The following CA10 variants were observed in gnomAD, a reference collection of about 807,000 sequenced individuals.
CA10 encodes the protein carbonic anhydrase 10 (inactive).
Under a neutral mutation model 44.2 loss-of-function variants are expected in CA10, and 14 were observed. The observed-to-expected ratio is 0.32, with a 90% CI of 0.21 to 0.50. The LOEUF (loss-of-function observed/expected upper bound fraction) is 0.50. Ranked by LOEUF, CA10 falls within the 20% of genes least tolerant of loss-of-function variation. The probability of loss-of-function intolerance (pLI) is 0.99; values close to 1 mark genes in which losing one functional copy is unlikely to be tolerated. For synonymous variants in CA10, 159 were observed against 141.6 expected, an observed-to-expected ratio of 1.12 and a Z score of -0.87; for missense variants, 350 against 409.7, an observed-to-expected ratio of 0.85 and a Z score of 1.26.
upstream of CA10, among the ~76,000 whole-genome samples, chr17:52,159,111 A>G (rs1989887519): frequency 6.6e-6 from 1 of 152,032 alleles, no homozygotes; most frequent in South Asian, 2.1e-4. Flanking sequence ...GGCGCGGGAG[A>G]CCCAGGCAGG....
At chr17:52,130,849 C>T (rs1351176956) in intron 1 of CA10, among the ~76,000 whole-genome samples, 1 of 152,032 alleles carries the variant, frequency 6.6e-6, no homozygotes, top group Non-Finnish European at 1.5e-5. Context: ...AGGCACACAC[C>T]ACCAAAGGAT....
chr17:51,716,655 T>A (rs1916123970), intron 4 of CA10, among the ~76,000 whole-genome samples: 1 of 152,142 alleles, frequency 6.6e-6, no homozygotes, highest in African/African-American at 2.4e-5. Context: ...GAACTTGGGG[T>A]TCATTAAGCT....
chr17:51,949,491 G>A (rs542159150), intron 2 of CA10, among the ~76,000 whole-genome samples: 3 of 152,224 alleles, frequency 2.0e-5, no homozygotes, highest in South Asian at 2.1e-4. Context: ...CTGCACATAT[G>A]TTGGAAATTT....
chr17:51,645,076 G>A (rs1335669866), intron 6 of CA10, among the ~76,000 whole-genome samples: 1 of 152,128 alleles, frequency 6.6e-6, no homozygotes, highest in African/African-American at 2.4e-5. Context: ...GATTACAGGT[G>A]TGAGCCACTG....
intron 2 of CA10, among the ~76,000 whole-genome samples, chr17:51,957,278 A>T (rs540879594): frequency 6.6e-6 from 1 of 152,180 alleles, no homozygotes; most frequent in Non-Finnish European, 1.5e-5. Flanking sequence ...CTCACTTCCC[A>T]CTGGTTCTAC....
At chr17:52,143,978 C>T (rs1388482614) in intron 1 of CA10, among the ~76,000 whole-genome samples, 1 of 152,092 alleles carries the variant, frequency 6.6e-6, no homozygotes, top group Non-Finnish European at 1.5e-5. Flanking sequence ...CTGAAATGCT[C>T]AGATCAGATA....
At chr17:51,818,529 G>T (rs1907652280) in intron 3 of CA10, among the ~76,000 whole-genome samples, 1 of 152,056 alleles carries the variant, frequency 6.6e-6, no homozygotes, top group African/African-American at 2.4e-5. Context: ...GTGCCTCCTA[G>T]GAAGTATGAG....
chr17:51,848,246 G>A (rs1048647659), intron 3 of CA10, among the ~76,000 whole-genome samples: 1 of 152,176 alleles, frequency 6.6e-6, no homozygotes, highest in Non-Finnish European at 1.5e-5. Flanking sequence ...TTCAGATTCT[G>A]TCTTGAATAC....
intron 3 of CA10, among the ~76,000 whole-genome samples, chr17:51,763,842 A>C (rs530439681): frequency 2.0e-5 from 3 of 151,546 alleles, no homozygotes; most frequent in Admixed American, 6.6e-5. Context: ...CCTCCTAAAA[A>C]CCCTCTGTAA....
At chr17:52,042,254 T>C in intron 2 of CA10, among the ~76,000 whole-genome samples, 1 of 152,140 alleles carries the variant, frequency 6.6e-6, no homozygotes, top group South Asian at 2.1e-4. Context: ...CTCACCAACG[T>C]TTGTTATCTC....
At chr17:51,706,555 G>A (rs773075122) in intron 4 of CA10, among the ~76,000 whole-genome samples, 32 of 152,284 alleles carry the variant, frequency 2.1e-4, no homozygotes, top group African/African-American at 6.3e-4. Flanking sequence ...CCTGCCTGCC[G>A]GGGCCTTTGC....
chr17:51,654,141 G>C (rs1235052003), intron 4 of CA10, among the ~76,000 whole-genome samples: 3 of 152,174 alleles, frequency 2.0e-5, no homozygotes, highest in Non-Finnish European at 4.4e-5. Context: ...AATCTTCCTT[G>C]CAGCCTCGGA....
At chr17:52,152,303 G>A (rs912296268) in intron 1 of CA10, among the ~76,000 whole-genome samples, 1 of 152,124 alleles carries the variant, frequency 6.6e-6, no homozygotes, top group Non-Finnish European at 1.5e-5. Flanking sequence ...GTCACAAAGT[G>A]AATAACCATA....
At chr17:52,032,240 T>A (rs1223355964) in intron 2 of CA10, among the ~76,000 whole-genome samples, 2 of 152,184 alleles carry the variant, frequency 1.3e-5, no homozygotes, top group Non-Finnish European at 2.9e-5. Context: ...CAGGAGCAGA[T>A]GAACTAGTAT....
At chr17:52,041,769 A>C (rs1240798031) in intron 2 of CA10, among the ~76,000 whole-genome samples, 1 of 152,056 alleles carries the variant, frequency 6.6e-6, no homozygotes, top group Non-Finnish European at 1.5e-5. Context: ...AGGCTCTGAC[A>C]ATCACCATTT....
chr17:51,810,386 G>A (rs535553107), intron 3 of CA10, among the ~76,000 whole-genome samples: 2 of 152,288 alleles, frequency 1.3e-5, no homozygotes, highest in African/African-American at 4.8e-5. Flanking sequence ...GGACAGGAAT[G>A]GGGCATGGAT....
rs546144956 is a variant in CA10 at position 51,789,754 on chromosome 17, T to A, written c.280-41936A>T. On this transcript the variant is annotated intron_variant, in intron 3 of 8. Transcript: ENST00000451037. Reference sequence around the variant, plus strand: ...GCTCATACACAGGTGCTCATGACACTCACACTTAGAAACTCATTTTCCATT... The same window carrying A: ...GCTCATACACAGGTGCTCATGACACACACACTTAGAAACTCATTTTCCATT... 1.8e-4 allele frequency among the ~76,000 whole-genome samples: 28 copies of A among 152,302 alleles called. No individual in the cohort carries two copies. In the South Asian group the frequency reaches 5.6e-3, roughly 30 times the overall value.
At chr17:51,635,250 C>T (rs7209604) in intron 7 of CA10, among the ~76,000 whole-genome samples, 34,351 of 151,906 alleles carry the variant, frequency 0.23, 4,011 homozygotes, top group South Asian at 0.39. Flanking sequence ...TGGTGGCTCA[C>T]GCCTGTAATC....
intron 3 of CA10, among the ~76,000 whole-genome samples, chr17:51,751,346 T>C (rs62061828): frequency 0.21 from 32,119 of 152,178 alleles, 3,480 homozygotes; most frequent in East Asian, 0.35. Context: ...AAACAGATGG[T>C]GGTGATGGTT....
Sources: allele counts gnomAD v4.1 joint callset (sites outside exome capture counted in the v4.1 genomes callset), GRCh38; gene constraint gnomAD v4.1.1; transcripts MANE v1.5; gene names NCBI Gene and HGNC (gene_info 2026-07-23, HGNC 2026-07-21).